CTNNA3: variants seen among roughly 807,000 people sequenced by gnomAD.
The protein encoded by CTNNA3 is catenin alpha 3.
CTNNA3 carries 76 observed loss-of-function variants against 95.7 expected under a neutral mutation model. The observed-to-expected ratio is 0.79, with a 90% CI of 0.66 to 0.96. CTNNA3 has a LOEUF of 0.96. CTNNA3 is among the 40% of genes least tolerant of loss of function. The pLI is 0.00. For missense variants in CTNNA3, 1,191 were observed against 1,089.8 expected, an observed-to-expected ratio of 1.09 and a Z score of -1.31; for synonymous variants, 431 against 374.4, an observed-to-expected ratio of 1.15 and a Z score of -1.74.
chr10:67,025,122 ACT>A (rs889633051), intron 7 of CTNNA3, among the ~76,000 whole-genome samples: 3 of 121,066 alleles, frequency 2.5e-5, no homozygotes, highest in African/African-American at 9.1e-5. Context: ...CAAGAGCAAA[ACT>A]CTGTCAAAAA....
At chr10:66,083,095 G>T (rs557686704) in intron 14 of CTNNA3, among the ~76,000 whole-genome samples, 67 of 152,084 alleles carry the variant, frequency 4.4e-4, no homozygotes, top group African/African-American at 1.2e-3. Context: ...GAGGGCTTAA[G>T]TAAACAAGAA....
chr10:66,417,162 G>A (rs944253587), intron 11 of CTNNA3, among the ~76,000 whole-genome samples: 1 of 151,972 alleles, frequency 6.6e-6, no homozygotes, highest in East Asian at 1.9e-4. Flanking sequence ...TACTTGAAAA[G>A]ATTCCTATAG....
intron 13 of CTNNA3, among the ~76,000 whole-genome samples, chr10:66,201,276 C>G (rs2087388214): frequency 6.6e-6 from 1 of 152,122 alleles, no homozygotes; most frequent in African/African-American, 2.4e-5. Context: ...TTTTTTCCCT[C>G]TCTTATCACC....
intron 7 of CTNNA3, among the ~76,000 whole-genome samples, chr10:67,084,264 C>T (rs1439382321): frequency 6.6e-6 from 1 of 151,876 alleles, no homozygotes; most frequent in Admixed American, 6.6e-5. Context: ...AAATCTACAC[C>T]TGGAGTGAGA....
At chr10:67,554,361 T>G (rs1183884257) in intron 3 of CTNNA3, among the ~76,000 whole-genome samples, 1 of 152,204 alleles carries the variant, frequency 6.6e-6, no homozygotes, top group Non-Finnish European at 1.5e-5. Context: ...GTTGAACTAG[T>G]TTACAGTCCC....
intron 5 of CTNNA3, among the ~76,000 whole-genome samples, chr10:67,262,625 T>C (rs749821233): frequency 2.0e-5 from 3 of 152,230 alleles, no homozygotes; most frequent in South Asian, 2.1e-4. Context: ...CTTTAAACAG[T>C]TTTTTTAAAA....
At chr10:67,047,158 C>T (rs895523317) in intron 7 of CTNNA3, among the ~76,000 whole-genome samples, 10 of 152,172 alleles carry the variant, frequency 6.6e-5, no homozygotes, top group African/African-American at 2.2e-4. Flanking sequence ...TATAGAATCT[C>T]TAGTACAATG....
rs933264761 is a variant in CTNNA3, at chr10:66,077,114, G to C, written c.1978-7625C>G. Reference sequence around the variant, plus strand: ...TTGTGATCATATTGTGGTTATATAAGAGAATGTTCATTATTTTGGGATATT... The same window carrying C: ...TTGTGATCATATTGTGGTTATATAACAGAATGTTCATTATTTTGGGATATT... On this transcript the variant is annotated intron_variant, in intron 14 of 17. Coordinates refer to ENST00000433211, the MANE Select transcript of CTNNA3 (RefSeq NM_013266.4). Among the ~76,000 whole-genome samples, 4 of 151,656 alleles carry C rather than the reference G, an allele frequency of 2.6e-5. No homozygotes were observed. In the South Asian group the frequency reaches 8.3e-4, roughly 31 times the overall value.
intron 10 of CTNNA3, among the ~76,000 whole-genome samples, chr10:66,543,522 T>C (rs1407989788): frequency 1.3e-5 from 2 of 152,286 alleles, no homozygotes; most frequent in South Asian, 2.1e-4. Context: ...TGATACATTT[T>C]ATAGAGACAA....
intron 2 of CTNNA3, among the ~76,000 whole-genome samples, chr10:67,629,512 G>A (rs1352798249): frequency 1.3e-5 from 2 of 152,206 alleles, no homozygotes; most frequent in African/African-American, 4.8e-5. Context: ...ATGCAGGAAT[G>A]AACAGAAGAG....
intron 1 of CTNNA3, among the ~76,000 whole-genome samples, chr10:67,762,517 C>A (rs561310704): frequency 6.6e-6 from 1 of 152,128 alleles, no homozygotes; most frequent in African/African-American, 2.4e-5. Flanking sequence ...AGAAAAGGAA[C>A]TTCCAGTAAA....
At chr10:67,282,102 A>C (rs567632142) in intron 5 of CTNNA3, among the ~76,000 whole-genome samples, 16 of 152,288 alleles carry the variant, frequency 1.1e-4, no homozygotes, top group African/African-American at 3.9e-4. Context: ...ATTTAAAGTA[A>C]ATTAAACAGA....
chr10:66,972,671 A>C (rs1278197044), intron 7 of CTNNA3, among the ~76,000 whole-genome samples: 2 of 149,656 alleles, frequency 1.3e-5, no homozygotes, highest in Non-Finnish European at 3.0e-5. Context: ...AGCTTTATAT[A>C]GATACAATTT....
In CTNNA3 at chr10:66,191,616, GAA is replaced by G. The variant is rs35947838; in HGVS notation, c.1885-88369_1885-88368del. Among the ~76,000 whole-genome samples, 353 of 145,598 alleles carry G rather than the reference GAA, an allele frequency of 2.4e-3. 2 individuals carry two copies. Among genetic ancestry groups the G allele is most frequent in the African/African-American group, 7.3e-3 (290 of 39,534 alleles). ...TATTTCAATGTGAACTGTATGACTTGAAAAAAAAAAAAAAACTCCTGTAGCAC... is the reference window on the plus strand; with the variant it reads ...TATTTCAATGTGAACTGTATGACTTGAAAAAAAAAAAAACTCCTGTAGCAC... On this transcript the variant is annotated intron_variant, in intron 13 of 17. Transcript: ENST00000433211.
intron 9 of CTNNA3, among the ~76,000 whole-genome samples, chr10:66,668,515 A>T (rs1846542458): frequency 6.6e-6 from 1 of 151,798 alleles, no homozygotes; most frequent in African/African-American, 2.4e-5. Context: ...ATATAATCTT[A>T]TATATAAAAT....
chr10:66,184,043 C>T (rs756573445), intron 13 of CTNNA3, among the ~76,000 whole-genome samples: 13 of 152,056 alleles, frequency 8.5e-5, no homozygotes, highest in East Asian at 1.9e-4. Flanking sequence ...TTACGGCTCA[C>T]GCCTGTAATC....
intron 7 of CTNNA3, among the ~76,000 whole-genome samples, chr10:66,940,475 T>C (rs1381346207): frequency 6.6e-6 from 1 of 152,118 alleles, no homozygotes; most frequent in African/African-American, 2.4e-5. Context: ...TCATGTCTCT[T>C]AAAAAATATA....
At chr10:67,435,591 G>C (rs2132912604) in intron 5 of CTNNA3, among the ~76,000 whole-genome samples, 1 of 152,066 alleles carries the variant, frequency 6.6e-6, no homozygotes, top group South Asian at 2.1e-4. Flanking sequence ...GATTCCTCCA[G>C]AAAGCTCCTA....
intron 7 of CTNNA3, among the ~76,000 whole-genome samples, chr10:66,848,686 T>C (rs1336951392): frequency 6.6e-6 from 1 of 152,180 alleles, no homozygotes; most frequent in Non-Finnish European, 1.5e-5. Context: ...AAAGTTAATG[T>C]ACAGTAATTT....
Sources: gnomAD v4.1 joint callset for allele counts (sites outside exome capture counted in the v4.1 genomes callset) on GRCh38, gnomAD v4.1.1 for gene constraint, MANE v1.5 for transcripts, NCBI Gene and HGNC (gene_info 2026-07-23, HGNC 2026-07-21) for gene names.